The following ANTXR1 variants were observed in gnomAD, a reference collection of about 807,000 sequenced individuals.
ANTXR1 encodes the protein anthrax toxin receptor 1.
In ANTXR1, 19 loss-of-function variants were observed where a neutral mutation model predicts 78.1. That is an observed-to-expected ratio of 0.24 (90% confidence interval 0.17 to 0.36). The LOEUF (loss-of-function observed/expected upper bound fraction) is 0.36. Ranked by LOEUF, ANTXR1 falls within the 10% of genes least tolerant of loss-of-function variation. The pLI is 1.00. For missense variants in ANTXR1, 518 were observed against 718.6 expected (o/e 0.72, Z 3.19); for synonymous variants, 273 against 260.5 (o/e 1.05, Z -0.46).
intron 10 of ANTXR1, among the ~76,000 whole-genome samples, chr2:69,110,791 G>C (rs1671956816): frequency 6.6e-6 from 1 of 152,116 alleles, no homozygotes; most frequent in African/African-American, 2.4e-5. Context: ...GAACCTGAGA[G>C]GCAGAGCTTG....
In ANTXR1 at chr2:69,040,031, T is replaced by C. The variant is rs757448145; in HGVS notation, c.153-13T>C. The stretch of plus-strand genomic sequence containing the variant: ...ACACCTGAGTCACGCAACACCTGCT[T>C]TTGTTTTCCTAGATCAGGAAGTGTG... On this transcript the variant is annotated splice_polypyrimidine_tract_variant and intron_variant, in intron 1 of 17. Transcript: ENST00000303714. 1.9e-6 allele frequency: 3 copies of C among 1,612,394 alleles called. No individual in the cohort carries two copies. The highest frequency in any genetic ancestry group is 2.5e-6 in the Non-Finnish European group (3 of 1,178,718).
chr2:69,174,858 G>T (rs1156232567), intron 14 of ANTXR1, among the ~76,000 whole-genome samples: 3 of 152,186 alleles, frequency 2.0e-5, no homozygotes, highest in African/African-American at 7.2e-5. Flanking sequence ...TCATTCAGCA[G>T]CCCTGAAACA....
At chr2:69,179,524 C>CAAAAAA (rs59914010) in intron 14 of ANTXR1, among the ~76,000 whole-genome samples, 3 of 135,874 alleles carry the variant, frequency 2.2e-5, no homozygotes, top group African/African-American at 7.9e-5. Flanking sequence ...ACCCTGTCTC[C>CAAAAAA]AAAAAAAAAA....
intron 3 of ANTXR1, among the ~76,000 whole-genome samples, chr2:69,048,361 T>C (rs1046862314): frequency 6.6e-6 from 1 of 152,194 alleles, no homozygotes; most frequent in African/African-American, 2.4e-5. Flanking sequence ...CATTTGGTTA[T>C]GATATATTCT....
intron 1 of ANTXR1, among the ~76,000 whole-genome samples, chr2:69,020,275 T>A (rs1363536728): frequency 1.3e-5 from 2 of 152,222 alleles, no homozygotes; most frequent in Non-Finnish European, 2.9e-5. Context: ...TTTTAAATGC[T>A]CCTCTAATTA....
chr2:69,033,314 G>A (rs1468481109), intron 1 of ANTXR1, among the ~76,000 whole-genome samples: 1 of 152,212 alleles, frequency 6.6e-6, no homozygotes, highest in Non-Finnish European at 1.5e-5. Context: ...ACAGTAATAG[G>A]AGGACAAAGC....
chr2:69,062,847 TG>T (rs34102064), intron 3 of ANTXR1, among the ~76,000 whole-genome samples: 4 of 151,554 alleles, frequency 2.6e-5, no homozygotes, highest in Non-Finnish European at 2.9e-5. Context: ...GTGAATACAA[TG>T]GGGGGGAAGA....
chr2:69,173,607 C>G lies in ANTXR1; in HGVS notation c.1089+3318C>G, dbSNP rs548666149. On this transcript the variant is annotated intron_variant, in intron 14 of 17. Transcript: ENST00000303714. The stretch of plus-strand genomic sequence containing the variant: ...TAGTATTGTTTCAGAAACTAAACTT[C>G]GGTCTCATTAAATACTATCAAAATA... Among the ~76,000 whole-genome samples, 32 of 152,282 alleles carry G rather than the reference C, an allele frequency of 2.1e-4. No individual in the cohort carries two copies. In the South Asian group the frequency reaches 3.9e-3, roughly 19 times the overall value.
chr2:69,028,165 G>C (rs1292818627), intron 1 of ANTXR1, among the ~76,000 whole-genome samples: 2 of 152,134 alleles, frequency 1.3e-5, no homozygotes, highest in East Asian at 3.8e-4. Context: ...TAGTCTAGAA[G>C]AAACTTTCAA....
chr2:69,067,645 AG>A (rs1670439997), intron 3 of ANTXR1, among the ~76,000 whole-genome samples: 2 of 152,074 alleles, frequency 1.3e-5, no homozygotes, highest in African/African-American at 4.8e-5. Context: ...AGCTATTATG[AG>A]GGGTTCCATG....
intron 12 of ANTXR1, among the ~76,000 whole-genome samples, chr2:69,128,225 T>TGG (rs765055021): frequency 7.4e-6 from 1 of 134,404 alleles, no homozygotes; most frequent in African/African-American, 2.9e-5. Flanking sequence ...ACTCCATCTC[T>TGG]GGAAAAAAAA....
chr2:69,076,317 C>T (rs1319492413), intron 7 of ANTXR1, among the ~76,000 whole-genome samples: 1 of 152,070 alleles, frequency 6.6e-6, no homozygotes, highest in Non-Finnish European at 1.5e-5. Flanking sequence ...ATTCAAATAA[C>T]AAATGTTCCT....
intron 13 of ANTXR1, among the ~76,000 whole-genome samples, chr2:69,166,948 C>T (rs144668026): frequency 7.9e-4 from 121 of 152,356 alleles, no homozygotes; most frequent in African/African-American, 2.8e-3. Context: ...CAAAGAGAAC[C>T]TTGTCCTTTC....
chr2:69,210,707 G>C (rs903174936), intron 17 of ANTXR1, among the ~76,000 whole-genome samples: 17 of 152,094 alleles, frequency 1.1e-4, no homozygotes, highest in Non-Finnish European at 1.5e-5. Context: ...AGGCCGACAG[G>C]GGTGGATCAC....
At chr2:69,050,065 G>A (rs1669882899) in intron 3 of ANTXR1, among the ~76,000 whole-genome samples, 1 of 152,118 alleles carries the variant, frequency 6.6e-6, no homozygotes, top group African/African-American at 2.4e-5. Context: ...AAGCTGAGGT[G>A]AGAGGATCGC....
At chr2:69,231,638 C>T (rs1206627152) in intron 17 of ANTXR1, among the ~76,000 whole-genome samples, 1 of 152,128 alleles carries the variant, frequency 6.6e-6, no homozygotes, top group Non-Finnish European at 1.5e-5. Flanking sequence ...TTTAGAGTCT[C>T]TCATGAAGCT....
intron 3 of ANTXR1, among the ~76,000 whole-genome samples, chr2:69,070,260 T>C (rs962473705): frequency 1.3e-5 from 2 of 152,210 alleles, no homozygotes; most frequent in African/African-American, 4.8e-5. Flanking sequence ...GGCCTTTCCC[T>C]GGGTTCTTGG....
intron 17 of ANTXR1, among the ~76,000 whole-genome samples, chr2:69,201,440 G>T (rs898159139): frequency 3.9e-5 from 6 of 152,168 alleles, no homozygotes; most frequent in African/African-American, 1.2e-4. Flanking sequence ...GTTGCCGGCC[G>T]TGGGAGCCTG....
intron 16 of ANTXR1, among the ~76,000 whole-genome samples, chr2:69,189,380 C>G (rs903462405): frequency 6.6e-6 from 1 of 152,214 alleles, no homozygotes; most frequent in African/African-American, 2.4e-5. Flanking sequence ...AATAGACACC[C>G]AGATCAGTAG....
Sources: allele counts gnomAD v4.1 joint callset (sites outside exome capture counted in the v4.1 genomes callset), GRCh38; gene constraint gnomAD v4.1.1; transcripts MANE v1.5; gene names NCBI Gene and HGNC (gene_info 2026-07-23, HGNC 2026-07-21).